Variants in USP49 observed in about 807,000 individuals in gnomAD.
The protein encoded by USP49 is ubiquitin carboxyl-terminal hydrolase 49.
In USP49, 24 loss-of-function variants were observed where a neutral mutation model predicts 58.6. That is an observed-to-expected ratio of 0.41 (90% CI 0.30 to 0.58). The LOEUF is 0.58. Ranked by LOEUF, USP49 falls within the 20% of genes least tolerant of loss-of-function variation. The pLI is 0.30. For synonymous variants in USP49, 408 were observed against 365.1 expected (o/e 1.12, Z -1.34); for missense variants, 703 against 866.1 (o/e 0.81, Z 2.36).
intron 3 of USP49, among the ~76,000 whole-genome samples, chr6:41,840,715 TTATAA>T (rs1452257594): frequency 6.6e-6 from 1 of 152,224 alleles, no homozygotes; most frequent in Non-Finnish European, 1.5e-5. Flanking sequence ...GTGGATGGAT[TTATAA>T]TATAATTTGT....
At position 41,803,182 on chromosome 6, in the gene USP49, G is replaced by A. The variant is rs371749336; in HGVS notation, c.1561+624C>T. Among the ~76,000 whole-genome samples the A allele has an allele frequency of 2.6e-5, 4 of 152,290 alleles. No homozygotes were observed. The highest frequency in any genetic ancestry group is 2.1e-4 in the South Asian group (1 of 4,830). The stretch of plus-strand genomic sequence containing the variant: ...AGCAGCAGCCCCACAGCACTAAGAA[G>A]CTAAGTACTAACATTCTCAGAGTCC... On this transcript the variant is annotated intron_variant, in intron 5 of 7. Transcript: ENST00000682992. This position sits in a 1 kb window ranked among gnomAD's most constrained non-coding sequence, Gnocchi z 4.1.
At chr6:41,857,135 A>G (rs1774144917) in intron 3 of USP49, among the ~76,000 whole-genome samples, 1 of 152,202 alleles carries the variant, frequency 6.6e-6, no homozygotes, top group African/African-American at 2.4e-5. Flanking sequence ...CTTCAACTAC[A>G]AAGGCTAAAG....
At chr6:41,798,458 T>G in intron 7 of USP49, 1 of 870,268 alleles carries the variant, frequency 1.1e-6, no homozygotes, top group South Asian at 1.9e-5. Flanking sequence ...ACTATTTTAG[T>G]AGAGACGGGG....
At chr6:41,863,752 G>A (rs754507611) in intron 3 of USP49, among the ~76,000 whole-genome samples, 3 of 152,082 alleles carry the variant, frequency 2.0e-5, no homozygotes, top group Non-Finnish European at 2.9e-5. Context: ...TAATGCAAAT[G>A]AATTTTCTAA....
chr6:41,820,039 GA>G (rs1442983099), intron 3 of USP49, among the ~76,000 whole-genome samples: 2 of 152,144 alleles, frequency 1.3e-5, no homozygotes, highest in African/African-American at 2.4e-5. Context: ...CAGATTATCA[GA>G]AACCTAGAGA....
Position 41,792,971 on chromosome 6 carries a change from C to T in USP49, c.*3562G>A, listed in dbSNP as rs1772823849. Reference sequence around the variant, plus strand: ...CTCCTCCCACCCACCACCCGCCATCCCCGACCAAGTTTTCATTCTGCACTA... The same window carrying T: ...CTCCTCCCACCCACCACCCGCCATCTCCGACCAAGTTTTCATTCTGCACTA... On this transcript the variant is annotated 3_prime_UTR_variant, in exon 8 of 8. Transcript: ENST00000682992. The T allele has an allele frequency of 6.8e-6, 1 of 147,868 alleles. No homozygotes were observed. Among genetic ancestry groups the T allele is most frequent in the Non-Finnish European group, 1.5e-5 (1 of 66,846 alleles). 9.2% of individuals were successfully genotyped at this position (147,868 alleles called of 1,614,324 possible). A position where few individuals can be genotyped will look rare whatever the true frequency, so the allele number is the denominator to read the frequency against.
At chr6:41,851,887 G>T (rs1035472227) in intron 3 of USP49, among the ~76,000 whole-genome samples, 1 of 140,514 alleles carries the variant, frequency 7.1e-6, no homozygotes, top group African/African-American at 2.7e-5. Flanking sequence ...CTGGGAAGCA[G>T]AGGCTGCAGT....
At chr6:41,799,785 A>C (rs1772962212) in intron 6 of USP49, 45 bp downstream of exon 6, 1 of 1,552,628 alleles carries the variant, frequency 6.4e-7, no homozygotes, top group Admixed American at 1.7e-5. Context: ...TGGAGCAGCT[A>C]TTCCCACAGC....
At chr6:41,843,368 C>T (rs1773862223) in intron 3 of USP49, among the ~76,000 whole-genome samples, 1 of 152,010 alleles carries the variant, frequency 6.6e-6, no homozygotes, top group African/African-American at 2.4e-5. Context: ...AAATATGACT[C>T]CAAAAAAGTG....
intron 4 of USP49, among the ~76,000 whole-genome samples, 194 bp downstream of exon 4, chr6:41,805,434 A>G (rs1773094675): frequency 6.6e-6 from 1 of 152,216 alleles, no homozygotes. Flanking sequence ...TCTGGCCGGA[A>G]AGACACTAGG....
At position 41,852,146 on chromosome 6, in the gene USP49, T is replaced by C. The variant is rs530538725; in HGVS notation, c.-29+19418A>G. 4.6e-5 allele frequency among the ~76,000 whole-genome samples: 7 copies of C among 151,972 alleles called. No individual in the cohort carries two copies. In the East Asian group the frequency reaches 1.2e-3, roughly 25 times the overall value. On this transcript the variant is annotated intron_variant, in intron 3 of 7. Transcript: ENST00000682992. ...TTCGAGACTAGCCTGACCAACATGG[T>C]AAAACCCCATCTCTACTAAAAATAC...
At chr6:41,820,341 C>T (rs1016602727) in intron 3 of USP49, among the ~76,000 whole-genome samples, 1 of 152,076 alleles carries the variant, frequency 6.6e-6, no homozygotes. Context: ...TTACCTTGTG[C>T]CCCTTTGTAA....
rs199541358 is a variant in USP49, at chr6:41,802,407, T to A, written c.1561+1399A>T. Among the ~76,000 whole-genome samples, 752 of 76,010 alleles carry A rather than the reference T, an allele frequency of 9.9e-3. 21 individuals are homozygous for A. The highest frequency in any genetic ancestry group is 0.034 in the Admixed American group (202 of 5,856). The allele number at this position is 76,010 out of a possible 152,430, so 49.9% of individuals were successfully genotyped here. A position where few individuals can be genotyped will look rare whatever the true frequency, so the allele number is the denominator to read the frequency against. On this transcript the variant is annotated intron_variant, in intron 5 of 7. Transcript: ENST00000682992. ...TTTATTTTATTTTATTTTATTTTAT[T>A]TTTTATTTTATTTTATTTTATTTTA...
At chr6:41,868,958 T>G (rs1381769683) in intron 3 of USP49, 1 of 151,944 alleles carries the variant, frequency 6.6e-6, no homozygotes, top group Non-Finnish European at 1.5e-5. Flanking sequence ...GAGATGGGGT[T>G]TCACCATATT....
In USP49 at chr6:41,796,276, A is replaced by C; in HGVS notation, c.*257T>G. On this transcript the variant is annotated 3_prime_UTR_variant, in exon 8 of 8. Coordinates refer to ENST00000682992, the MANE Select transcript of USP49 (RefSeq NM_001286554.2). Reference sequence around the variant, plus strand: ...CGCTTTCCTCCACCCAGATCCCTCTATATTCAGAAGCAACTGATGAAAGGA... The same window carrying C: ...CGCTTTCCTCCACCCAGATCCCTCTCTATTCAGAAGCAACTGATGAAAGGA... The C allele has an allele frequency of 8.7e-6, 3 of 346,102 alleles. No individual in the cohort carries two copies. The highest frequency in any genetic ancestry group is 1.1e-5 in the Non-Finnish European group (2 of 187,172). The allele number at this position is 346,102 out of a possible 1,614,324, so 21.4% of individuals were successfully genotyped here.
intron 7 of USP49, chr6:41,797,812 A>C (rs1466779038): frequency 3.0e-6 from 3 of 985,702 alleles, no homozygotes; most frequent in Non-Finnish European, 3.6e-6. Flanking sequence ...ACTTTTGATA[A>C]TACTACAATA....
chr6:41,892,194 C>A (rs528627326), intron 1 of USP49, among the ~76,000 whole-genome samples: 3 of 152,304 alleles, frequency 2.0e-5, no homozygotes, highest in South Asian at 4.1e-4. Flanking sequence ...CTCACTCTTT[C>A]CCTTGGCTGA....
chr6:41,854,938 AATTTTTAT>A (rs1561919105), intron 3 of USP49, among the ~76,000 whole-genome samples: 1 of 151,882 alleles, frequency 6.6e-6, no homozygotes, highest in Non-Finnish European at 1.5e-5. Context: ...ATGCCTGGCT[AATTTTTAT>A]ATTTTTTGGT....
intron 3 of USP49, among the ~76,000 whole-genome samples, chr6:41,808,807 C>T (rs1366644022): frequency 6.6e-6 from 1 of 152,148 alleles, no homozygotes; most frequent in South Asian, 2.1e-4. Flanking sequence ...AGGCTGGGCA[C>T]CGTGGCTTGC....
Sources: allele counts gnomAD v4.1 joint callset (sites outside exome capture counted in the v4.1 genomes callset), GRCh38; gene constraint gnomAD v4.1.1; non-coding constraint Gnocchi (gnomAD v3.1); transcripts MANE v1.5; gene names NCBI Gene and HGNC (gene_info 2026-07-23, HGNC 2026-07-21).